Variants in NCR3LG1 observed in about 807,000 individuals in gnomAD.
The protein encoded by NCR3LG1 is natural killer cell cytotoxicity receptor 3 ligand 1.
A neutral mutation model predicts 34.8 loss-of-function variants in NCR3LG1; 35 were observed. The observed-to-expected ratio is 1.01, with a 90% CI of 0.77 to 1.33. The LOEUF (loss-of-function observed/expected upper bound fraction) is 1.33, where lower values mean the gene tolerates loss of function less well. Ranked by LOEUF, NCR3LG1 falls within the 40% of genes most tolerant of loss-of-function variation. The pLI, the probability that NCR3LG1 is intolerant of heterozygous loss-of-function variation, is 0.00. For missense variants in NCR3LG1, 452 were observed against 423.3 expected (o/e 1.07, Z -0.60); for synonymous variants, 173 against 163.6 (o/e 1.06, Z -0.44).
chr11:17,371,020 G>C (rs993639462), intron 4 of NCR3LG1, among the ~76,000 whole-genome samples: 1 of 152,196 alleles, frequency 6.6e-6, no homozygotes, highest in African/African-American at 2.4e-5. Flanking sequence ...TTGTCCCCCA[G>C]TGATAGACAT....
In NCR3LG1 at chr11:17,372,851, C is replaced by T. The variant is rs958753288; in HGVS notation, c.*339C>T. On this transcript the variant is annotated 3_prime_UTR_variant, in exon 5 of 5. Transcript: ENST00000338965. Reference sequence around the variant, plus strand: ...GCAGTGCCCCTTGAACAACATAATTCGGACCCCAGTGGTACCTTAGATGAG... The same window carrying T: ...GCAGTGCCCCTTGAACAACATAATTTGGACCCCAGTGGTACCTTAGATGAG... 5.0e-5 allele frequency: 12 copies of T among 237,930 alleles called. No individual in the cohort carries two copies. The highest frequency in any genetic ancestry group is 3.6e-4 in the East Asian group (4 of 11,188). 14.7% of individuals were successfully genotyped at this position (237,930 alleles called of 1,614,324 possible).
downstream of NCR3LG1, among the ~76,000 whole-genome samples, chr11:17,378,666 T>G (rs1319852282): frequency 6.6e-6 from 1 of 151,638 alleles, no homozygotes; most frequent in Non-Finnish European, 1.5e-5. Flanking sequence ...GCAGTTGGGG[T>G]CTCCACTCCT....
rs1953139052 is a variant in NCR3LG1 at position 17,351,918 on chromosome 11, G to C, written c.-52G>C. 4 of 1,414,460 alleles carry C rather than the reference G, an allele frequency of 2.8e-6. No homozygotes were observed. The highest frequency in any genetic ancestry group is 2.5e-5 in the East Asian group (1 of 39,874). 87.6% of individuals were successfully genotyped at this position (1,414,460 alleles called of 1,614,324 possible). A position where few individuals can be genotyped will look rare whatever the true frequency, so the allele number is the denominator to read the frequency against. Reference sequence around the variant, plus strand: ...TCTCCCCCTGCCCTTGGTTTCTACCGGGCCGCCTGCTCCCACTCGGCGAAA... The same window carrying C: ...TCTCCCCCTGCCCTTGGTTTCTACCCGGCCGCCTGCTCCCACTCGGCGAAA... On this transcript the variant is annotated 5_prime_UTR_variant, in exon 1 of 5. Transcript: ENST00000338965.
intron 2 of NCR3LG1, among the ~76,000 whole-genome samples, chr11:17,358,492 C>G (rs1343900518): frequency 6.6e-6 from 1 of 152,114 alleles, no homozygotes; most frequent in East Asian, 1.9e-4. Flanking sequence ...TTCATCACAT[C>G]AAATCACATG....
intron 4 of NCR3LG1, 98 bp from the exon 5 acceptor site, chr11:17,371,905 AGAG>A: frequency 1.6e-6 from 1 of 607,982 alleles, no homozygotes; most frequent in Non-Finnish European, 2.9e-6. Flanking sequence ...ATGGGAGGGA[AGAG>A]GAGAAGGGGG....
chr11:17,354,340 TAAATGA>T (rs1014726814), intron 1 of NCR3LG1, among the ~76,000 whole-genome samples: 24 of 152,356 alleles, frequency 1.6e-4, no homozygotes, highest in African/African-American at 5.8e-4. Context: ...TCTGTACCTT[TAAATGA>T]AAATACATGG....
intron 2 of NCR3LG1, among the ~76,000 whole-genome samples, chr11:17,360,423 T>C (rs1591680320): frequency 6.6e-6 from 1 of 152,214 alleles, no homozygotes; most frequent in African/African-American, 2.4e-5. Context: ...TTTTCTTTCA[T>C]GGATCATGCT....
At position 17,352,050 on chromosome 11, in the gene NCR3LG1, GCTGGGGTGGGCTGGGGCGGGGGCTC is replaced by G; in HGVS notation, c.70+16_70+40del. On this transcript the variant is annotated intron_variant, in intron 1 of 4. Transcript: ENST00000338965. ...CGCTGACGACCGAAGGTAGGGGGCGGCTGGGGTGGGCTGGGGCGGGGGCTCCTGGCGCCAGAGGGTCCTCGCGGGT... is the reference window on the plus strand; with the variant it reads ...CGCTGACGACCGAAGGTAGGGGGCGGCTGGCGCCAGAGGGTCCTCGCGGGT... 1 of 1,440,174 alleles carries G rather than the reference GCTGGGGTGGGCTGGGGCGGGGGCTC, an allele frequency of 6.9e-7. No homozygotes were observed. The highest frequency in any genetic ancestry group is 1.3e-5 in the South Asian group (1 of 78,832). The allele number at this position is 1,440,174 out of a possible 1,614,324, so 89.2% of individuals were successfully genotyped here. A position where few individuals can be genotyped will look rare whatever the true frequency, so the allele number is the denominator to read the frequency against.
chr11:17,372,961 A>C lies in NCR3LG1; in HGVS notation c.*449A>C. On this transcript the variant is annotated 3_prime_UTR_variant, in exon 5 of 5. Coordinates refer to ENST00000338965, the MANE Select transcript of NCR3LG1 (RefSeq NM_001202439.3). ...GCCTCTTAATTACCCCAAACTCTCC[A>C]TGATAGATCAAAAACTAGATGAAAA... 1 of 156,126 alleles carries C rather than the reference A, an allele frequency of 6.4e-6. No individual in the cohort carries two copies. The highest frequency in any genetic ancestry group is 1.4e-5 in the Non-Finnish European group (1 of 70,564). The allele number at this position is 156,126 out of a possible 1,614,324, so 9.7% of individuals were successfully genotyped here. A position where few individuals can be genotyped will look rare whatever the true frequency, so the allele number is the denominator to read the frequency against.
chr11:17,365,769 A>G (rs990405992), intron 2 of NCR3LG1, among the ~76,000 whole-genome samples: 6 of 152,200 alleles, frequency 3.9e-5, no homozygotes, highest in Non-Finnish European at 5.9e-5. Flanking sequence ...ATGAAAACCC[A>G]TGAAAGTGTG....
chr11:17,368,064 C>T (rs867215594), intron 3 of NCR3LG1, among the ~76,000 whole-genome samples: 60 of 152,134 alleles, frequency 3.9e-4, no homozygotes, highest in African/African-American at 1.1e-3. Flanking sequence ...GTGATCCGCC[C>T]GCCTCAGCCT....
chr11:17,364,093 A>G (rs1484674932), intron 2 of NCR3LG1, among the ~76,000 whole-genome samples: 1 of 151,882 alleles, frequency 6.6e-6, no homozygotes, highest in East Asian at 1.9e-4. Flanking sequence ...TTGTATTCCC[A>G]TTATATATCT....
chr11:17,366,788 A>G (rs1334615489), intron 2 of NCR3LG1, among the ~76,000 whole-genome samples: 2 of 151,922 alleles, frequency 1.3e-5, no homozygotes, highest in East Asian at 1.9e-4. Flanking sequence ...ATCCCTCCCT[A>G]CCCTTAAGGA....
rs566734783 is a variant in NCR3LG1, at chr11:17,372,152, G to A, written c.1005G>A (p.Glu335=). 124 of 702,984 alleles carry A rather than the reference G, an allele frequency of 1.8e-4. No individual in the cohort carries two copies. In the African/African-American group the frequency reaches 1.9e-3, roughly 11 times the overall value. The allele number at this position is 702,984 out of a possible 1,614,324, so 43.5% of individuals were successfully genotyped here. A position where few individuals can be genotyped will look rare whatever the true frequency, so the allele number is the denominator to read the frequency against. Residue 335 remains glutamate, a synonymous_variant, in exon 5 of 5, where the codon GAG becomes GAA. Transcript: ENST00000338965. ...CGTCTTACCAGCTGCAGGATGGGGAGGCTTGGCCTCCTGAGGGAAGTGTTA... is the reference window on the plus strand; with the variant it reads ...CGTCTTACCAGCTGCAGGATGGGGAAGCTTGGCCTCCTGAGGGAAGTGTTA... ...AWPSYQLQDG[E]AWPPEGSVNI...
intron 2 of NCR3LG1, 25 bp downstream of exon 2, chr11:17,357,026 A>AC: frequency 6.9e-7 from 1 of 1,441,398 alleles, no homozygotes; most frequent in South Asian, 1.4e-5. Flanking sequence ...GCAGTGCCCT[A>AC]CAGTTCCCAT....
In NCR3LG1 at chr11:17,356,876, G is replaced by A. The variant is rs749706676; in HGVS notation, c.296G>A (p.Arg99Lys). The A allele has an allele frequency of 6.8e-5, 104 of 1,536,074 alleles. No homozygotes were observed. Among genetic ancestry groups the A allele is most frequent in the Non-Finnish European group, 8.5e-5 (97 of 1,146,922 alleles). ...CCTGGAGCCATTGTGTCTCCATGGAGGCTGAAGAGTGGGGACGCCTCACTG... is the reference window on the plus strand; with the variant it reads ...CCTGGAGCCATTGTGTCTCCATGGAAGCTGAAGAGTGGGGACGCCTCACTG... ...FRPGAIVSPW[R>K]LKSGDASLRL... The change falls in exon 2 of 5, where the codon AGG becomes AAG. Residue 99 changes from arginine to lysine, a missense_variant. Transcript: ENST00000338965.
chr11:17,365,523 G>A (rs1953335772), intron 2 of NCR3LG1, among the ~76,000 whole-genome samples: 1 of 152,182 alleles, frequency 6.6e-6, no homozygotes, highest in Non-Finnish European at 1.5e-5. Flanking sequence ...AAGTAATACA[G>A]AAAGGCTATA....
At position 17,375,038 on chromosome 11, in the gene NCR3LG1, G is replaced by A. The variant is rs1354625449; in HGVS notation, c.*2526G>A. On this transcript the variant is annotated 3_prime_UTR_variant, in exon 5 of 5. Transcript: ENST00000338965. The stretch of plus-strand genomic sequence containing the variant: ...AGCTTGCCTCTGAGCAGTTACAGTA[G>A]TGGCCCTGCTAGTCCCAGAGGCCAC... 1 of 152,204 alleles carries A rather than the reference G, an allele frequency of 6.6e-6. No homozygotes were observed. The highest frequency in any genetic ancestry group is 2.4e-5 in the African/African-American group (1 of 41,432). The allele number at this position is 152,204 out of a possible 1,614,324, so 9.4% of individuals were successfully genotyped here.
chr11:17,372,417 C>T lies in NCR3LG1; in HGVS notation c.1270C>T (p.Pro424Ser), dbSNP rs1299403175. The change falls in exon 5 of 5, where the codon CCT (proline) becomes TCT (serine). Residue 424 changes from proline (P) to serine (S), a missense_variant. Physicochemically the swap from Pro to Ser is moderately conservative, Grantham distance 74 (BLOSUM62 -1). Transcript: ENST00000338965. ...SDAVPDAPIL[P>S]VSPIWEPPPA... ...TGCAGTTCCGGATGCCCCAATCCTT[C>T]CTGTCTCCCCTATCTGGGAACCTCC... The T allele has an allele frequency of 2.7e-5, 19 of 703,160 alleles. No individual in the cohort carries two copies. Among genetic ancestry groups the T allele is most frequent in the Non-Finnish European group, 4.9e-5 (19 of 385,064 alleles). 43.6% of individuals were successfully genotyped at this position (703,160 alleles called of 1,614,324 possible).
Sources: allele counts gnomAD v4.1 joint callset (sites outside exome capture counted in the v4.1 genomes callset), GRCh38; gene constraint gnomAD v4.1.1; transcripts MANE v1.5; gene names NCBI Gene and HGNC (gene_info 2026-07-23, HGNC 2026-07-21).